EHBP1: variants seen among roughly 807,000 people sequenced by gnomAD.
EHBP1 encodes EH domain-binding protein 1.
EHBP1 carries 55 observed loss-of-function variants against 144.0 expected under a neutral mutation model. The ratio of observed to expected loss-of-function variants is 0.38; its 90% CI spans 0.31 to 0.48. EHBP1 has a LOEUF of 0.48. Ranked by LOEUF, EHBP1 falls within the 20% of genes least tolerant of loss-of-function variation. The pLI is 0.98. For synonymous variants in EHBP1, 469 were observed against 472.7 expected, an observed-to-expected ratio of 0.99 and a Z score of 0.10; for missense variants, 1,200 against 1,364.2, an observed-to-expected ratio of 0.88 and a Z score of 1.90.
Position 62,859,174 on chromosome 2 carries a change from A to G in EHBP1, c.640A>G (p.Ile214Val). 1 of 1,610,870 alleles carries G rather than the reference A, an allele frequency of 6.2e-7. No individual in the cohort carries two copies. The highest frequency in any genetic ancestry group is 8.5e-7 in the Non-Finnish European group (1 of 1,177,958). ...EEKAAKITEL[I>V]NKLNFLDEAE... ...ACCCATATGTTTATTTTCAGAGCTTATCAACAAACTTAACTTTTTGGATGA... is the reference window on the plus strand; with the variant it reads ...ACCCATATGTTTATTTTCAGAGCTTGTCAACAAACTTAACTTTTTGGATGA... The change falls in exon 8 of 23, where the codon ATC becomes GTC. Residue 214 changes from isoleucine to valine, a missense_variant. By Grantham distance (29) the Ile-to-Val change is conservative (BLOSUM62 3). Transcript: ENST00000431489.
At chr2:62,912,868 G>A (rs2054334265) in intron 10 of EHBP1, among the ~76,000 whole-genome samples, 1 of 152,100 alleles carries the variant, frequency 6.6e-6, no homozygotes. Flanking sequence ...TAGAAGAATA[G>A]GGTATGCATA....
intron 5 of EHBP1, among the ~76,000 whole-genome samples, chr2:62,778,333 G>A (rs2042183967): frequency 6.6e-6 from 1 of 152,074 alleles, no homozygotes; most frequent in African/African-American, 2.4e-5. Context: ...GAGCTCAGGA[G>A]TTCAAGACCA....
At chr2:62,892,069 CTTG>C (rs2052503596) in intron 10 of EHBP1, among the ~76,000 whole-genome samples, 1 of 152,050 alleles carries the variant, frequency 6.6e-6, no homozygotes. Context: ...CCTAAAATGC[CTTG>C]TGAATTCAAG....
Position 62,896,907 on chromosome 2 carries a change from CT to C in EHBP1, c.1185+22377del, listed in dbSNP as rs199681020. 0.01 allele frequency among the ~76,000 whole-genome samples: 1,555 copies of C among 152,260 alleles called. 16 individuals are homozygous for C. In the Middle Eastern group the frequency reaches 0.12, roughly 12 times the overall value. ...TAATTTTAGTCTATCTTATTGATCC[CT>C]TCAGCAACATTTAATGTAGCTGATT... On this transcript the variant is annotated intron_variant, in intron 10 of 22. Transcript: ENST00000431489.
At chr2:62,839,440 G>T (rs2047600327) in intron 7 of EHBP1, among the ~76,000 whole-genome samples, 1 of 144,448 alleles carries the variant, frequency 6.9e-6, no homozygotes, top group Non-Finnish European at 1.5e-5. Flanking sequence ...ACAAGACAGG[G>T]ATGCCCTCTC....
intron 18 of EHBP1, among the ~76,000 whole-genome samples, chr2:62,994,364 G>A (rs1372558959): frequency 6.6e-6 from 1 of 152,026 alleles, no homozygotes; most frequent in Non-Finnish European, 1.5e-5. Flanking sequence ...TTGTTGGCTT[G>A]GGTTAATGGG....
chr2:62,929,176 A>G (rs2055774792), intron 10 of EHBP1, among the ~76,000 whole-genome samples: 1 of 152,186 alleles, frequency 6.6e-6, no homozygotes, highest in African/African-American at 2.4e-5. Flanking sequence ...ACCAACACTA[A>G]TTCTTCTCAA....
At chr2:62,681,230 T>C (rs1346857714) in intron 1 of EHBP1, among the ~76,000 whole-genome samples, 1 of 149,924 alleles carries the variant, frequency 6.7e-6, no homozygotes, top group Non-Finnish European at 1.5e-5. Context: ...CGCTTGAACC[T>C]GGGAGGTGGA....
chr2:62,951,543 G>T lies in EHBP1; in HGVS notation c.2316+2381G>T, dbSNP rs571756501. Among the ~76,000 whole-genome samples, 124 of 141,834 alleles carry T rather than the reference G, an allele frequency of 8.7e-4. 1 individual carries two copies. The East Asian group carries it at 0.019, about 21-fold the overall frequency. 93.0% of individuals were successfully genotyped at this position (141,834 alleles called of 152,430 possible). ...TTCTTTTTTTTTTTTTTGGGGGGGGGGGGTGGAGTCTTGCCCTGTCACCCA... is the reference window on the plus strand; with the variant it reads ...TTCTTTTTTTTTTTTTTGGGGGGGGTGGGTGGAGTCTTGCCCTGTCACCCA... On this transcript the variant is annotated intron_variant, in intron 13 of 22. Coordinates refer to ENST00000431489, the MANE Select transcript of EHBP1 (RefSeq NM_001142616.3).
At position 62,935,328 on chromosome 2, in the gene EHBP1, C is replaced by CA. The variant is rs550896639; in HGVS notation, c.1186-7373dup. 6.9e-3 allele frequency among the ~76,000 whole-genome samples: 739 copies of CA among 106,426 alleles called. 2 individuals carry two copies. Among genetic ancestry groups the CA allele is most frequent in the East Asian group, 8.7e-3 (33 of 3,790 alleles). 69.8% of individuals were successfully genotyped at this position (106,426 alleles called of 152,430 possible). A position where few individuals can be genotyped will look rare whatever the true frequency, so the allele number is the denominator to read the frequency against. ...TGGGCGACAGAGCGAGACTCCATCT[C>CA]AAAAAAAAAAAAAAAAATATATATA... On this transcript the variant is annotated intron_variant, in intron 10 of 22. Coordinates refer to ENST00000431489, the MANE Select transcript of EHBP1 (RefSeq NM_001142616.3).
chr2:62,896,844 C>G (rs186259005), intron 10 of EHBP1, among the ~76,000 whole-genome samples: 1 of 152,260 alleles, frequency 6.6e-6, no homozygotes, highest in Non-Finnish European at 1.5e-5. Context: ...TGAAACCTCT[C>G]TGGTTAAAGT....
intron 2 of EHBP1, among the ~76,000 whole-genome samples, chr2:62,717,098 A>G (rs889786393): frequency 2.0e-5 from 3 of 152,124 alleles, no homozygotes; most frequent in Non-Finnish European, 2.9e-5. Context: ...TTTTCCTGTC[A>G]TGATTTTAAA....
intron 10 of EHBP1, among the ~76,000 whole-genome samples, chr2:62,935,341 A>AT (rs1439816890): frequency 2.7e-4 from 37 of 138,544 alleles, no homozygotes; most frequent in East Asian, 1.0e-3. Flanking sequence ...AAAAAAAAAA[A>AT]AAAATATATA....
At chr2:62,861,280 C>T (rs1322080552) in intron 8 of EHBP1, among the ~76,000 whole-genome samples, 1 of 151,474 alleles carries the variant, frequency 6.6e-6, no homozygotes, top group Non-Finnish European at 1.5e-5. Flanking sequence ...CAGGCGCGTG[C>T]CACCATGCCC....
chr2:62,887,327 G>A (rs777251510), intron 10 of EHBP1, among the ~76,000 whole-genome samples: 2 of 152,154 alleles, frequency 1.3e-5, no homozygotes, highest in Non-Finnish European at 2.9e-5. Context: ...GGGTCAGTTA[G>A]CAGGCTGTGC....
intron 10 of EHBP1, among the ~76,000 whole-genome samples, chr2:62,899,948 A>T (rs559977774): frequency 6.6e-6 from 1 of 152,368 alleles, no homozygotes; most frequent in South Asian, 2.1e-4. Context: ...CACTTTACAA[A>T]TAAAGGTTAG....
intron 2 of EHBP1, among the ~76,000 whole-genome samples, chr2:62,715,143 C>T (rs147364434): frequency 2.2e-4 from 33 of 152,200 alleles, no homozygotes; most frequent in African/African-American, 7.9e-4. Context: ...GAGACAGAGT[C>T]TTGCTCTGTC....
chr2:62,874,018 C>G (rs1302161706), intron 9 of EHBP1, among the ~76,000 whole-genome samples: 1 of 152,124 alleles, frequency 6.6e-6, no homozygotes, highest in Non-Finnish European at 1.5e-5. Flanking sequence ...TTTTTTACAT[C>G]TTACTTCCTT....
chr2:63,017,165 A>G (rs1162771560), intron 19 of EHBP1, among the ~76,000 whole-genome samples: 1 of 152,222 alleles, frequency 6.6e-6, no homozygotes, highest in Non-Finnish European at 1.5e-5. Flanking sequence ...TTTAATTCCC[A>G]TAAAGGATGA....
Sources: allele counts gnomAD v4.1 joint callset (sites outside exome capture counted in the v4.1 genomes callset), GRCh38; gene constraint gnomAD v4.1.1; transcripts MANE v1.5; gene names NCBI Gene and HGNC (gene_info 2026-07-23, HGNC 2026-07-21).